Variants in COG5 observed in about 807,000 individuals in gnomAD.
The protein encoded by COG5 is conserved oligomeric Golgi complex subunit 5.
A neutral mutation model predicts 110.4 loss-of-function variants in COG5; 86 were observed. The ratio of observed to expected loss-of-function variants is 0.78; its 90% CI spans 0.65 to 0.93. The LOEUF is 0.93. Ranked by LOEUF, COG5 falls within the 40% of genes least tolerant of loss-of-function variation. The probability of loss-of-function intolerance (pLI) is 0.00; values close to 1 mark genes in which losing one functional copy is unlikely to be tolerated. For missense variants in COG5, 1,077 were observed against 987.0 expected, an observed-to-expected ratio of 1.09 and a Z score of -1.22; for synonymous variants, 360 against 334.6, an observed-to-expected ratio of 1.08 and a Z score of -0.83.
chr7:107,312,845 C>T (rs1423050711), intron 11 of COG5, among the ~76,000 whole-genome samples: 1 of 150,998 alleles, frequency 6.6e-6, no homozygotes, highest in Non-Finnish European at 1.5e-5. Flanking sequence ...AGGACCTCGG[C>T]AGAAGAAGGG....
intron 10 of COG5, among the ~76,000 whole-genome samples, chr7:107,341,772 C>G (rs929340916): frequency 6.6e-6 from 1 of 152,044 alleles, no homozygotes; most frequent in Non-Finnish European, 1.5e-5. Context: ...CAAAAATAAG[C>G]AATGGAGAAA....
chr7:107,551,611 GTTT>G (rs927684940), intron 3 of COG5, among the ~76,000 whole-genome samples: 10 of 151,988 alleles, frequency 6.6e-5, no homozygotes, highest in Admixed American at 5.2e-4. Flanking sequence ...CACATTTAAA[GTTT>G]TTTATTTATT....
At chr7:107,378,220 C>T (rs1432024645) in intron 7 of COG5, among the ~76,000 whole-genome samples, 2 of 152,102 alleles carry the variant, frequency 1.3e-5, no homozygotes, top group South Asian at 2.1e-4. Flanking sequence ...AAAGGAATAG[C>T]GTCAACATCA....
chr7:107,536,031 C>T (rs1056799220), intron 5 of COG5, among the ~76,000 whole-genome samples: 1 of 152,170 alleles, frequency 6.6e-6, no homozygotes, highest in African/African-American at 2.4e-5. Flanking sequence ...TAATCCATCA[C>T]ATAAACAGAA....
At chr7:107,342,406 G>A (rs71566724) in intron 10 of COG5, among the ~76,000 whole-genome samples, 3,038 of 150,614 alleles carry the variant, frequency 0.02, 50 homozygotes, top group East Asian at 0.092. Flanking sequence ...GGCTGGGTGC[G>A]GTGGCTCACA....
rs545213237 is a variant in COG5 at position 107,499,817 on chromosome 7, T to C, written c.538+27420A>G. On this transcript the variant is annotated intron_variant, in intron 6 of 21. Transcript: ENST00000297135. ...CAATTTCAAAGTTTAGAAGTAGGGA[T>C]AGTATCTAACCTCCAGCTCTAATTC... 7.2e-5 allele frequency among the ~76,000 whole-genome samples: 11 copies of C among 152,300 alleles called. No individual in the cohort carries two copies. The South Asian group carries it at 2.1e-3, about 29-fold the overall frequency.
At chr7:107,527,152 G>T in intron 6 of COG5, 85 bp downstream of exon 6, 1 of 1,250,984 alleles carries the variant, frequency 8.0e-7, no homozygotes, top group Non-Finnish European at 1.1e-6. Flanking sequence ...CTTGCTAATG[G>T]TGATAACAAA....
At chr7:107,320,518 A>G (rs915247458) in intron 11 of COG5, among the ~76,000 whole-genome samples, 2 of 152,220 alleles carry the variant, frequency 1.3e-5, no homozygotes, top group African/African-American at 4.8e-5. Flanking sequence ...CATCAGCAAC[A>G]CTAAGAGATC....
rs1348127736 is a variant in COG5, at chr7:107,302,212, A to T, written c.1109-3866T>A. 2.6e-5 allele frequency among the ~76,000 whole-genome samples: 4 copies of T among 152,336 alleles called. No homozygotes were observed. The East Asian group carries it at 7.7e-4, about 29-fold the overall frequency. ...TACTATGCAACAACAAAAACATACTACAATATAGCTGAATCTCAATAAAAT... is the reference window on the plus strand; with the variant it reads ...TACTATGCAACAACAAAAACATACTTCAATATAGCTGAATCTCAATAAAAT... On this transcript the variant is annotated intron_variant, in intron 11 of 21. Transcript: ENST00000297135.
At chr7:107,528,950 T>C (rs918992064) in intron 5 of COG5, among the ~76,000 whole-genome samples, 2 of 144,466 alleles carry the variant, frequency 1.4e-5, no homozygotes, top group Non-Finnish European at 3.0e-5. Context: ...CAAACACATG[T>C]AAGTCAAAGC....
At position 107,474,789 on chromosome 7, in the gene COG5, CACAAGATTTTCA is replaced by C. The variant is rs748811290; in HGVS notation, c.538+52436_538+52447del. 6.2e-7 allele frequency: 1 copy of C among 1,611,862 alleles called. No homozygotes were observed. The highest frequency in any genetic ancestry group is 8.5e-7 in the Non-Finnish European group (1 of 1,179,096). On this transcript the variant is annotated intron_variant, in intron 6 of 21. Coordinates refer to ENST00000297135, the MANE Select transcript of COG5 (RefSeq NM_006348.5). The surrounding 1 kb of genome is among the most constrained non-coding windows in gnomAD (Gnocchi z 5.7). ...TTCAGGCTCTTAATATTCGAATAGG[CACAAGATTTTCA>C]ACAGGGCAGAAGAAGAAAGCAAGAA...
In COG5 at chr7:107,380,688, GC is replaced by G. The variant is rs1312954137; in HGVS notation, c.670-7929del. On this transcript the variant is annotated intron_variant, in intron 7 of 21. Transcript: ENST00000297135. ...AGTAATTAATAGCCTACCAACCAAA[GC>G]CCAGGACCAGACAAATTCACAGCCG... is the stretch of plus-strand genomic sequence containing the variant. 2.0e-5 allele frequency among the ~76,000 whole-genome samples: 3 copies of G among 151,688 alleles called. No homozygotes were observed. In the East Asian group the frequency reaches 5.8e-4, roughly 29 times the overall value.
At chr7:107,548,249 CCATTT>C (rs1478827961) in intron 4 of COG5, 24 bp downstream of exon 4, 8 of 1,602,896 alleles carry the variant, frequency 5.0e-6, no homozygotes, top group Admixed American at 3.3e-5. Flanking sequence ...CATTCCCATT[CCATTT>C]ATTTATAAAA....
At chr7:107,366,379 T>C (rs998302246) in intron 8 of COG5, among the ~76,000 whole-genome samples, 1 of 152,062 alleles carries the variant, frequency 6.6e-6, no homozygotes, top group South Asian at 2.1e-4. Flanking sequence ...TGCAAGAAGA[T>C]ACTAGACATG....
At chr7:107,216,910 G>C (rs975628468) in intron 19 of COG5, among the ~76,000 whole-genome samples, 2 of 151,890 alleles carry the variant, frequency 1.3e-5, no homozygotes, top group African/African-American at 4.8e-5. Context: ...ATACAGACTA[G>C]AAAACCAGGG....
intron 5 of COG5, among the ~76,000 whole-genome samples, chr7:107,541,714 C>T (rs560100502): frequency 1.3e-5 from 2 of 150,388 alleles, no homozygotes; most frequent in African/African-American, 2.4e-5. Context: ...GTGCGGATCA[C>T]GAGGTCAGAA....
intron 16 of COG5, among the ~76,000 whole-genome samples, chr7:107,250,258 C>T (rs1489745877): frequency 6.6e-6 from 1 of 151,976 alleles, no homozygotes; most frequent in African/African-American, 2.4e-5. Flanking sequence ...TGTTTAAACT[C>T]GGCACGAGTC....
rs142733369 is a variant in COG5, at chr7:107,210,039, G to A, written c.2375+487C>T. On this transcript the variant is annotated intron_variant, in intron 21 of 21. Coordinates refer to ENST00000297135, the MANE Select transcript of COG5 (RefSeq NM_006348.5). The stretch of plus-strand genomic sequence containing the variant: ...TGGGCAAGAGCACATGCGTATGTAT[G>A]TGAATGCATTCATGGGGCACTACTG... The A allele has an allele frequency of 2.8e-4, 285 of 1,025,988 alleles. 2 individuals carry two copies. In the African/African-American group the frequency reaches 4.4e-3, roughly 16 times the overall value. The allele number at this position is 1,025,988 out of a possible 1,614,324, so 63.6% of individuals were successfully genotyped here.
At chr7:107,317,490 C>T (rs1808863972) in intron 11 of COG5, among the ~76,000 whole-genome samples, 1 of 152,032 alleles carries the variant, frequency 6.6e-6, no homozygotes, top group African/African-American at 2.4e-5. Flanking sequence ...GAGAATAATC[C>T]CTATTCTCTA....
Sources: gnomAD v4.1 joint callset for allele counts (sites outside exome capture counted in the v4.1 genomes callset) on GRCh38, gnomAD v4.1.1 for gene constraint, Gnocchi (gnomAD v3.1) non-coding constraint, MANE v1.5 for transcripts, NCBI Gene and HGNC (gene_info 2026-07-23, HGNC 2026-07-21) for gene names.